SLC25A21: variants seen among roughly 807,000 people sequenced by gnomAD.
The protein encoded by SLC25A21 is mitochondrial 2-oxodicarboxylate carrier.
In SLC25A21, 47 loss-of-function variants were observed where a neutral mutation model predicts 43.8. The ratio of observed to expected loss-of-function variants is 1.07; its 90% CI spans 0.85 to 1.37. The LOEUF is 1.37. Ranked by LOEUF, SLC25A21 falls within the 40% of genes most tolerant of loss-of-function variation. SLC25A21 has a pLI of 0.00. For missense variants in SLC25A21, 352 were observed against 350.2 expected, an observed-to-expected ratio of 1.00 and a Z score of -0.04; for synonymous variants, 131 against 121.3, an observed-to-expected ratio of 1.08 and a Z score of -0.52.
intron 1 of SLC25A21, among the ~76,000 whole-genome samples, chr14:36,904,070 T>C (rs562835387): frequency 5.9e-5 from 9 of 152,318 alleles, no homozygotes; most frequent in Admixed American, 4.6e-4. Context: ...TCTTGTCCTT[T>C]GAAAGAGCAT....
intron 1 of SLC25A21, among the ~76,000 whole-genome samples, chr14:37,002,016 T>C (rs1184812842): frequency 6.6e-6 from 1 of 152,162 alleles, no homozygotes; most frequent in Non-Finnish European, 1.5e-5. Context: ...AAATATTTCA[T>C]TATTTATTAA....
At chr14:36,990,207 A>G (rs2138711492) in intron 1 of SLC25A21, among the ~76,000 whole-genome samples, 1 of 152,288 alleles carries the variant, frequency 6.6e-6, no homozygotes, top group East Asian at 1.9e-4. Flanking sequence ...TAAACAGTCT[A>G]AGCTGTCTAA....
At chr14:36,745,837 T>C (rs1466858790) in intron 3 of SLC25A21, among the ~76,000 whole-genome samples, 1 of 152,042 alleles carries the variant, frequency 6.6e-6, no homozygotes, top group East Asian at 1.9e-4. Context: ...CACGTGGCCA[T>C]CAAACATATG....
chr14:37,135,600 G>A (rs1282936338), intron 1 of SLC25A21, among the ~76,000 whole-genome samples: 3 of 152,062 alleles, frequency 2.0e-5, no homozygotes, highest in South Asian at 4.1e-4. Flanking sequence ...ATTTTTATTG[G>A]ACCACCTCCA....
chr14:36,799,931 C>A (rs1451166807), intron 3 of SLC25A21, among the ~76,000 whole-genome samples: 1 of 152,126 alleles, frequency 6.6e-6, no homozygotes, highest in Non-Finnish European at 1.5e-5. Context: ...CCTCAAATAA[C>A]TTGATTAACT....
intron 1 of SLC25A21, among the ~76,000 whole-genome samples, chr14:36,983,177 G>A (rs1301154244): frequency 6.6e-6 from 1 of 152,144 alleles, no homozygotes; most frequent in African/African-American, 2.4e-5. Flanking sequence ...ATGATATAAA[G>A]ATGTTCTAGA....
At chr14:36,680,743 T>G in intron 9 of SLC25A21, 24 bp from the exon 10 acceptor site, 1 of 1,606,354 alleles carries the variant, frequency 6.2e-7, no homozygotes, top group South Asian at 1.1e-5. Flanking sequence ...GAGCTGTTTT[T>G]TATTGCAAAT....
At chr14:37,100,594 C>T (rs1382356002) in intron 1 of SLC25A21, among the ~76,000 whole-genome samples, 1 of 152,216 alleles carries the variant, frequency 6.6e-6, no homozygotes, top group Non-Finnish European at 1.5e-5. Context: ...GCACTAGGAA[C>T]ACGGCAAGTT....
intron 1 of SLC25A21, among the ~76,000 whole-genome samples, chr14:37,099,014 G>T (rs1032839742): frequency 2.6e-5 from 4 of 151,944 alleles, no homozygotes; most frequent in East Asian, 1.9e-4. Flanking sequence ...TGTTGACCAG[G>T]CTGGTCTTGA....
chr14:36,963,139 T>C (rs1959533612), intron 1 of SLC25A21, among the ~76,000 whole-genome samples: 1 of 152,194 alleles, frequency 6.6e-6, no homozygotes, highest in African/African-American at 2.4e-5. Context: ...TCACTTTCCT[T>C]TGGTTACAAA....
At chr14:36,921,191 T>TACACTGAC (rs1891971420) in intron 1 of SLC25A21, among the ~76,000 whole-genome samples, 1 of 152,178 alleles carries the variant, frequency 6.6e-6, no homozygotes, top group Admixed American at 6.6e-5. Flanking sequence ...AACTTTGCCC[T>TACACTGAC]ACACTGACAG....
At chr14:36,824,414 G>T (rs1186651464) in intron 2 of SLC25A21, among the ~76,000 whole-genome samples, 1 of 152,032 alleles carries the variant, frequency 6.6e-6, no homozygotes, top group Non-Finnish European at 1.5e-5. Context: ...TTTCAAATGA[G>T]GACCCAATTT....
At position 36,764,143 on chromosome 14, in the gene SLC25A21, G is replaced by GGAAA. The variant is rs1233360789; in HGVS notation, c.204-29574_204-29571dup. The stretch of plus-strand genomic sequence containing the variant: ...AGGAAAGAAGGAAAGAAGGAAAGAA[G>GGAAA]GAAAGAAAGAAAGAAAGAAAGAAAG... On this transcript the variant is annotated intron_variant, in intron 3 of 9. Transcript: ENST00000331299. Among the ~76,000 whole-genome samples the GGAAA allele has an allele frequency of 9.0e-3, 304 of 33,866 alleles. 5 individuals carry two copies. Among genetic ancestry groups the GGAAA allele is most frequent in the Non-Finnish European group, 0.013 (239 of 17,744 alleles). The allele number at this position is 33,866 out of a possible 152,430, so 22.2% of individuals were successfully genotyped here. A position where few individuals can be genotyped will look rare whatever the true frequency, so the allele number is the denominator to read the frequency against.
At chr14:37,029,289 A>G (rs1961157745) in intron 1 of SLC25A21, among the ~76,000 whole-genome samples, 1 of 152,204 alleles carries the variant, frequency 6.6e-6, no homozygotes, top group Non-Finnish European at 1.5e-5. Context: ...GATAGAGCAC[A>G]TGAAGCCAGT....
chr14:37,034,547 T>A (rs1961286934), intron 1 of SLC25A21, among the ~76,000 whole-genome samples: 4 of 152,146 alleles, frequency 2.6e-5, no homozygotes, highest in Admixed American at 2.6e-4. Flanking sequence ...CTGGGCTCAT[T>A]AAATTTCTGG....
chr14:36,727,151 G>A (rs1884634291), intron 5 of SLC25A21, among the ~76,000 whole-genome samples: 1 of 152,128 alleles, frequency 6.6e-6, no homozygotes. Flanking sequence ...GAGAAGCCCT[G>A]GAGAGGCATC....
chr14:37,171,110 AGGGGG>A (rs1377957332), intron 1 of SLC25A21, among the ~76,000 whole-genome samples: 2 of 11,036 alleles, frequency 1.8e-4, no homozygotes, highest in African/African-American at 7.9e-4. Context: ...GAAAAGAAAA[AGGGGG>A]GAGGGGAGGG....
intron 1 of SLC25A21, among the ~76,000 whole-genome samples, chr14:37,094,373 CTAAGA>C (rs1244172174): frequency 5.9e-5 from 9 of 152,092 alleles, no homozygotes; most frequent in Admixed American, 5.9e-4. Flanking sequence ...TGCCATCCAG[CTAAGA>C]TGATGCCTAT....
intron 1 of SLC25A21, among the ~76,000 whole-genome samples, chr14:36,925,879 A>T (rs1892118309): frequency 6.6e-6 from 1 of 152,262 alleles, no homozygotes; most frequent in South Asian, 2.1e-4. Context: ...CAGAGCTTCA[A>T]AATACATGAA....
Sources: gnomAD v4.1 joint callset for allele counts (sites outside exome capture counted in the v4.1 genomes callset) on GRCh38, gnomAD v4.1.1 for gene constraint, MANE v1.5 for transcripts, NCBI Gene and HGNC (gene_info 2026-07-23, HGNC 2026-07-21) for gene names.